SRC: variants seen among roughly 807,000 people sequenced by gnomAD.
The protein encoded by SRC is proto-oncogene tyrosine-protein kinase Src.
Under a neutral mutation model 62.9 loss-of-function variants are expected in SRC, and 13 were observed. The ratio of observed to expected loss-of-function variants is 0.21; its 90% confidence interval spans 0.13 to 0.33. SRC has a LOEUF of 0.33. Ranked by LOEUF, SRC falls within the 10% of genes least tolerant of loss-of-function variation. The probability of loss-of-function intolerance (pLI) is 1.00; values close to 1 mark genes in which losing one functional copy is unlikely to be tolerated. For synonymous variants in SRC, 302 were observed against 317.5 expected (o/e 0.95, Z 0.52); for missense variants, 457 against 737.3 (o/e 0.62, Z 4.40).
rs1489835037 is a variant in SRC at position 37,351,919 on chromosome 20, G to A, written c.-247+5664G>A. 1.3e-5 allele frequency among the ~76,000 whole-genome samples: 2 copies of A among 152,198 alleles called. No homozygotes were observed. Among genetic ancestry groups the A allele is most frequent in the South Asian group, 2.1e-4 (1 of 4,828 alleles). On this transcript the variant is annotated intron_variant, in intron 1 of 13. Coordinates refer to ENST00000373578, the MANE Select transcript of SRC (RefSeq NM_198291.3). This position sits in a 1 kb window ranked among gnomAD's most constrained non-coding sequence, Gnocchi z 4.4. ...CCAACGTGGCTAAAACTTTTCCCAG[G>A]TATAGGAGGGGTGCGGTGCTGGGGG...
intron 1 of SRC, among the ~76,000 whole-genome samples, chr20:37,353,287 C>G (rs2069834070): frequency 6.6e-6 from 1 of 152,060 alleles, no homozygotes; most frequent in South Asian, 2.1e-4. Context: ...CCCACTGAGC[C>G]CGTCTCCTCA....
intron 3 of SRC, among the ~76,000 whole-genome samples, chr20:37,383,018 C>T (rs1006773190): frequency 1.3e-5 from 2 of 152,224 alleles, no homozygotes; most frequent in African/African-American, 4.8e-5. Flanking sequence ...GTCACTCATT[C>T]GTTCAGCTGT....
chr20:37,358,731 G>A (rs1966963534), intron 1 of SRC, among the ~76,000 whole-genome samples: 1 of 152,228 alleles, frequency 6.6e-6, no homozygotes, highest in Non-Finnish European at 1.5e-5. Context: ...TCTCCAGGGC[G>A]TGAGTTTGGT....
chr20:37,386,313 A>C, intron 5 of SRC, 139 bp downstream of exon 5: 1 of 854,106 alleles, frequency 1.2e-6, no homozygotes, highest in Non-Finnish European at 2.0e-6. Flanking sequence ...GTGTGGAGGC[A>C]GGCGCCTGCT....
At position 37,381,167 on chromosome 20, in the gene SRC, ACAAACCAT is replaced by A. The variant is rs2070360894; in HGVS notation, c.-172-1446_-172-1439del. Reference sequence around the variant, plus strand: ...CCACCAAGACCAAAAAAACAGTCTCACAAACCATCAAACATTGCACTTGGTGGCTCAGG... The same window carrying A: ...CCACCAAGACCAAAAAAACAGTCTCACAAACATTGCACTTGGTGGCTCAGG... On this transcript the variant is annotated intron_variant, in intron 2 of 13. Transcript: ENST00000373578. Among the ~76,000 whole-genome samples, 7 of 152,306 alleles carry A rather than the reference ACAAACCAT, an allele frequency of 4.6e-5. No homozygotes were observed. In the South Asian group the frequency reaches 1.5e-3, roughly 32 times the overall value.
At chr20:37,363,527 G>C (rs991915013) in intron 1 of SRC, among the ~76,000 whole-genome samples, 1 of 152,058 alleles carries the variant, frequency 6.6e-6, no homozygotes, top group Non-Finnish European at 1.5e-5. Flanking sequence ...TTCTGGCTGG[G>C]GCAGCCTCCT....
At chr20:37,401,993 T>A in intron 11 of SRC, 1 of 366,620 alleles carries the variant, frequency 2.7e-6, no homozygotes, top group Non-Finnish European at 4.8e-6. Context: ...TAGGCAGTGG[T>A]CAACAAGCCT....
chr20:37,350,788 T>A (rs2069790089), intron 1 of SRC, among the ~76,000 whole-genome samples: 1 of 152,216 alleles, frequency 6.6e-6, no homozygotes, highest in African/African-American at 2.4e-5. Context: ...CCTAGAGTGC[T>A]GTGTTGAGAA....
chr20:37,370,991 T>TTC (rs1491496677), intron 2 of SRC, among the ~76,000 whole-genome samples: 16 of 86,538 alleles, frequency 1.8e-4, no homozygotes, highest in African/African-American at 1.2e-3. Context: ...CTTCTTCTTC[T>TTC]TTTTTTTTTT....
Position 37,400,100 on chromosome 20 carries a change from A to T in SRC, c.860-15A>T. 8.2e-6 allele frequency: 13 copies of T among 1,584,690 alleles called. No individual in the cohort carries two copies. Among genetic ancestry groups the T allele is most frequent in the Non-Finnish European group, 1.1e-5 (13 of 1,162,688 alleles). ...GGGGGGCTCCACTGAGTCAGCCTGC[A>T]TCCCTCCTCAACAGGGACCTGGAAC... On this transcript the variant is annotated splice_polypyrimidine_tract_variant and intron_variant, in intron 9 of 13. Coordinates refer to ENST00000373578, the MANE Select transcript of SRC (RefSeq NM_198291.3).
intron 1 of SRC, among the ~76,000 whole-genome samples, chr20:37,359,304 C>T (rs188747107): frequency 3.8e-4 from 58 of 152,380 alleles, no homozygotes; most frequent in Non-Finnish European, 7.3e-4. Context: ...AGCAAGGAAC[C>T]AACCAAAGAT....
intron 1 of SRC, among the ~76,000 whole-genome samples, chr20:37,358,141 G>A (rs1409129895): frequency 1.3e-5 from 2 of 152,224 alleles, no homozygotes; most frequent in African/African-American, 4.8e-5. Flanking sequence ...GCACAGTAAC[G>A]GTCCCTACCC....
chr20:37,399,996 T>G, intron 9 of SRC, 119 bp from the exon 10 acceptor site: 1 of 966,720 alleles, frequency 1.0e-6, no homozygotes, highest in Non-Finnish European at 1.5e-6. Flanking sequence ...TTTGACTGGG[T>G]TTGTCACATG....
At chr20:37,394,464 T>C (rs1023615597) in intron 7 of SRC, among the ~76,000 whole-genome samples, 187 bp downstream of exon 7, 1 of 152,130 alleles carries the variant, frequency 6.6e-6, no homozygotes, top group Non-Finnish European at 1.5e-5. Flanking sequence ...GGTGGCCAGA[T>C]GTCCAGAGAA....
chr20:37,363,383 T>A (rs529888232), intron 1 of SRC, among the ~76,000 whole-genome samples: 1 of 152,252 alleles, frequency 6.6e-6, no homozygotes, highest in African/African-American at 2.4e-5. Context: ...CCTGCCCACC[T>A]GGCACCCTGG....
At chr20:37,373,485 AT>A (rs2070229785) in intron 2 of SRC, among the ~76,000 whole-genome samples, 1 of 147,324 alleles carries the variant, frequency 6.8e-6, no homozygotes, top group Admixed American at 6.6e-5. Flanking sequence ...ACATATATAT[AT>A]TTTTTGTGGA....
rs13039797 is a variant in SRC at position 37,384,662 on chromosome 20, A to G, written c.250+259A>G. On this transcript the variant is annotated intron_variant, in intron 4 of 13. Coordinates refer to ENST00000373578, the MANE Select transcript of SRC (RefSeq NM_198291.3). The surrounding 1 kb of genome is among the most constrained non-coding windows in gnomAD (Gnocchi z 6.7). ...TTAATGGGTTCTAATTGGACGCTTA[A>G]GCCCAAGAAGAAGAAGGGCGGCGCG... 1 allele frequency among the ~76,000 whole-genome samples: 151,848 copies of G among 151,876 alleles called. 75,910 individuals carry two copies. The highest frequency in any genetic ancestry group is 1 in the Middle Eastern group (288 of 288).
chr20:37,394,935 G>A (rs1192533626), intron 7 of SRC, among the ~76,000 whole-genome samples: 8 of 152,172 alleles, frequency 5.3e-5, no homozygotes, highest in African/African-American at 1.9e-4. Flanking sequence ...TGTGCATGTG[G>A]GGTGGAATTG....
At chr20:37,380,030 A>T (rs2070343081) in intron 2 of SRC, among the ~76,000 whole-genome samples, 1 of 151,704 alleles carries the variant, frequency 6.6e-6, no homozygotes, top group Non-Finnish European at 1.5e-5. Flanking sequence ...CTCTGAACAC[A>T]CTAACACATA....
Sources: allele counts gnomAD v4.1 joint callset (sites outside exome capture counted in the v4.1 genomes callset), GRCh38; gene constraint gnomAD v4.1.1; non-coding constraint Gnocchi (gnomAD v3.1); transcripts MANE v1.5; gene names NCBI Gene and HGNC (gene_info 2026-07-23, HGNC 2026-07-21).